The following ADGRV1 variants were observed in gnomAD, a reference collection of about 807,000 sequenced individuals.
ADGRV1 encodes the protein adhesion G protein-coupled receptor V1, also known as G-protein coupled receptor 98.
ADGRV1 carries 359 observed loss-of-function variants against 596.2 expected under a neutral mutation model. The observed-to-expected ratio is 0.60, with a 90% CI of 0.55 to 0.66. The LOEUF is 0.66. Ranked by LOEUF, ADGRV1 falls within the 30% of genes least tolerant of loss-of-function variation. ADGRV1 has a pLI of 0.00. For missense variants in ADGRV1, 7,274 were observed against 7,575.6 expected (o/e 0.96, Z 1.48); for synonymous variants, 2,681 against 2,679.2 (o/e 1.00, Z -0.02).
chr5:90,694,932 C>T (rs147542163), intron 33 of ADGRV1, among the ~76,000 whole-genome samples: 348 of 152,114 alleles, frequency 2.3e-3, no homozygotes, highest in Middle Eastern at 0.01. Context: ...ATAGATTTTC[C>T]GGGAATATGT....
intron 86 of ADGRV1, among the ~76,000 whole-genome samples, chr5:91,098,984 T>G (rs1791128416): frequency 6.6e-6 from 1 of 152,206 alleles, no homozygotes; most frequent in African/African-American, 2.4e-5. Flanking sequence ...TTCTAAATAT[T>G]AGGGTATCTT....
At chr5:90,666,863 C>T (rs923599362) in intron 21 of ADGRV1, among the ~76,000 whole-genome samples, 3 of 151,556 alleles carry the variant, frequency 2.0e-5, no homozygotes, top group Non-Finnish European at 2.9e-5. Flanking sequence ...TTCTCCTTCA[C>T]TTATGAAGCT....
intron 83 of ADGRV1, among the ~76,000 whole-genome samples, chr5:90,897,219 G>A (rs1001383121): frequency 1.3e-5 from 2 of 152,188 alleles, no homozygotes; most frequent in Admixed American, 6.5e-5. Flanking sequence ...TAAATATTAT[G>A]TAAAGTTTTA....
At chr5:90,886,491 A>G (rs1242473737) in intron 83 of ADGRV1, among the ~76,000 whole-genome samples, 3 of 152,208 alleles carry the variant, frequency 2.0e-5, no homozygotes, top group Non-Finnish European at 4.4e-5. Flanking sequence ...CAGGAATTGT[A>G]TACTAAAATT....
intron 1 of ADGRV1, among the ~76,000 whole-genome samples, chr5:90,586,274 A>G (rs902006173): frequency 3.3e-5 from 5 of 152,242 alleles, no homozygotes; most frequent in South Asian, 4.1e-4. Context: ...ATATTTTCCT[A>G]CATAACTACA....
chr5:90,763,584 G>T, intron 59 of ADGRV1, 115 bp downstream of exon 59: 2 of 1,021,142 alleles, frequency 2.0e-6, no homozygotes, highest in Non-Finnish European at 2.9e-6. Flanking sequence ...TGGGTATATT[G>T]CATAATGCTG....
intron 1 of ADGRV1, among the ~76,000 whole-genome samples, chr5:90,571,562 G>A (rs1380160945): frequency 6.6e-6 from 1 of 152,000 alleles, no homozygotes; most frequent in Non-Finnish European, 1.5e-5. Flanking sequence ...TTACATAATT[G>A]TCTATAAACA....
At chr5:91,154,686 A>T (rs1404216589) in intron 89 of ADGRV1, among the ~76,000 whole-genome samples, 1 of 152,258 alleles carries the variant, frequency 6.6e-6, no homozygotes, top group Non-Finnish European at 1.5e-5. Context: ...TCACAGTACC[A>T]CATGGCTGGG....
intron 87 of ADGRV1, among the ~76,000 whole-genome samples, chr5:91,110,249 T>C (rs1201978983): frequency 6.6e-6 from 1 of 152,202 alleles, no homozygotes; most frequent in Non-Finnish European, 1.5e-5. Flanking sequence ...CATTTATTGG[T>C]AATAATCACC....
chr5:91,040,572 T>A (rs1394854258), intron 85 of ADGRV1, among the ~76,000 whole-genome samples: 1 of 152,172 alleles, frequency 6.6e-6, no homozygotes, highest in Non-Finnish European at 1.5e-5. Flanking sequence ...AAATATTACG[T>A]TTATATTAGG....
intron 7 of ADGRV1, among the ~76,000 whole-genome samples, chr5:90,628,205 G>A (rs531407749): frequency 2.2e-5 from 2 of 90,034 alleles, no homozygotes; most frequent in South Asian, 6.5e-4. Context: ...GGGCAACAAA[G>A]TGAGACCCCG....
chr5:91,143,711 GC>G (rs1467046536), intron 87 of ADGRV1, among the ~76,000 whole-genome samples: 1 of 152,136 alleles, frequency 6.6e-6, no homozygotes, highest in East Asian at 1.9e-4. Context: ...TGACAGCCTG[GC>G]CCCCAGGCTT....
At chr5:90,722,401 C>G (rs1423921037) in intron 45 of ADGRV1, among the ~76,000 whole-genome samples, 1 of 151,914 alleles carries the variant, frequency 6.6e-6, no homozygotes. Context: ...GAATAAATTT[C>G]TCTAGACTCA....
intron 85 of ADGRV1, among the ~76,000 whole-genome samples, chr5:91,012,567 C>T (rs1265306198): frequency 6.6e-6 from 1 of 152,016 alleles, no homozygotes; most frequent in South Asian, 2.1e-4. Context: ...TGTAGCTCTC[C>T]TCCCATTACT....
Position 90,840,983 on chromosome 5 carries a change from A to G in ADGRV1, c.17017A>G (p.Lys5673Glu), listed in dbSNP as rs41303350. 5,898 of 1,390,998 alleles carry G rather than the reference A, an allele frequency of 4.2e-3. 18 individuals are homozygous for G. The highest frequency in any genetic ancestry group is 5.1e-3 in the Non-Finnish European group (5,411 of 1,066,048). The allele number at this position is 1,390,998 out of a possible 1,614,324, so 86.2% of individuals were successfully genotyped here. A position where few individuals can be genotyped will look rare whatever the true frequency, so the allele number is the denominator to read the frequency against. Residue 5673 changes from lysine (K) to glutamate (E), a missense_variant and splice_region_variant, in exon 78 of 90, where the codon AAG (lysine) becomes GAG (glutamate). Lys to Glu is a moderately conservative substitution (Grantham distance 56). Coordinates refer to ENST00000405460, the MANE Select transcript of ADGRV1 (RefSeq NM_032119.4). Reference protein sequence around the residue: ...QLSAMMHLIEKITTEGKIQAF... With the variant: ...QLSAMMHLIEEITTEGKIQAF... ...CAGTGCCATGATGCATTTAATAGAA[A>G]AGGTAAGTTTTTGTGAATATTAGTA...
intron 85 of ADGRV1, among the ~76,000 whole-genome samples, chr5:91,020,641 T>C (rs1783558250): frequency 6.6e-6 from 1 of 151,962 alleles, no homozygotes; most frequent in African/African-American, 2.4e-5. Context: ...GCTAAGCATG[T>C]GTGAAAGACC....
At chr5:91,154,710 A>G (rs1428809520) in intron 89 of ADGRV1, among the ~76,000 whole-genome samples, 1 of 152,234 alleles carries the variant, frequency 6.6e-6, no homozygotes, top group African/African-American at 2.4e-5. Context: ...GCTTCAGGAA[A>G]TGTACAATCA....
chr5:90,595,890 A>ACC (rs527355003), intron 1 of ADGRV1, among the ~76,000 whole-genome samples: 3 of 115,748 alleles, frequency 2.6e-5, no homozygotes, highest in African/African-American at 6.6e-5. Flanking sequence ...CGGGGGGCTG[A>ACC]CCCCCCCCAC....
chr5:91,036,816 A>C (rs1784953983), intron 85 of ADGRV1, among the ~76,000 whole-genome samples: 1 of 152,236 alleles, frequency 6.6e-6, no homozygotes, highest in South Asian at 2.1e-4. Flanking sequence ...GCACATTCTT[A>C]TACCTCAGAT....
Sources: allele counts gnomAD v4.1 joint callset (sites outside exome capture counted in the v4.1 genomes callset), GRCh38; gene constraint gnomAD v4.1.1; transcripts MANE v1.5; gene names NCBI Gene and HGNC (gene_info 2026-07-23, HGNC 2026-07-21).